CTDSP1: variants seen among roughly 807,000 people sequenced by gnomAD.
The protein encoded by CTDSP1 is carboxy-terminal domain RNA polymerase II polypeptide A small phosphatase 1.
Under a neutral mutation model 32.5 loss-of-function variants are expected in CTDSP1, and 15 were observed. That is an observed-to-expected ratio of 0.46 (90% CI 0.31 to 0.71). CTDSP1 has a LOEUF of 0.71. Ranked by LOEUF, CTDSP1 falls within the 30% of genes least tolerant of loss-of-function variation. CTDSP1 has a pLI of 0.05. For missense variants in CTDSP1, 294 were observed against 351.1 expected (o/e 0.84, Z 1.30); for synonymous variants, 185 against 145.4 (o/e 1.27, Z -1.96).
At chr2:218,398,644 G>C, upstream of CTDSP1, 1 of 413,152 alleles carries the variant, frequency 2.4e-6, no homozygotes, top group Non-Finnish European at 4.2e-6. Context: ...CGTGCGCCGC[G>C]TCGCACCCGG....
At chr2:218,397,188 A>G (rs1696843706), upstream of CTDSP1, among the ~76,000 whole-genome samples, 1 of 152,134 alleles carries the variant, frequency 6.6e-6, no homozygotes, top group Non-Finnish European at 1.5e-5. Context: ...GAAGACACGG[A>G]GACCCGGCTA....
chr2:218,404,592 C>G lies in CTDSP1; in HGVS notation c.*167C>G, dbSNP rs1697317853. ...GCCCCACCAGGCGGTGTAGGGGCAG[C>G]AGGCTGCACTGAGGACCGTGAGCTC... On this transcript the variant is annotated 3_prime_UTR_variant, in exon 7 of 7. Transcript: ENST00000273062. 1 of 780,908 alleles carries G rather than the reference C, an allele frequency of 1.3e-6. No homozygotes were observed. The highest frequency in any genetic ancestry group is 1.7e-5 in the African/African-American group (1 of 57,386). 48.4% of individuals were successfully genotyped at this position (780,908 alleles called of 1,614,324 possible).
chr2:218,404,518 GGCC>G lies in CTDSP1; in HGVS notation c.*100_*102del. The G allele has an allele frequency of 6.7e-7, 1 of 1,503,160 alleles. No homozygotes were observed. Among genetic ancestry groups the G allele is most frequent in the Non-Finnish European group, 9.0e-7 (1 of 1,105,164 alleles). The allele number at this position is 1,503,160 out of a possible 1,614,324, so 93.1% of individuals were successfully genotyped here. A position where few individuals can be genotyped will look rare whatever the true frequency, so the allele number is the denominator to read the frequency against. On this transcript the variant is annotated 3_prime_UTR_variant, in exon 7 of 7. Transcript: ENST00000273062. ...CAGGCCTTTGTTAGGAAAACCCATG[GGCC>G]GCCGCCACACTCAGTGCCATGGGGA...
chr2:218,402,779 T>G (rs566081153), intron 4 of CTDSP1: 1 of 717,792 alleles, frequency 1.4e-6, no homozygotes, highest in Non-Finnish European at 2.6e-6. Context: ...TAGGCTGAGG[T>G]TGAGGCAGGG....
intron 4 of CTDSP1, 33 bp downstream of exon 4, chr2:218,402,438 G>A (rs767601296): frequency 6.3e-7 from 1 of 1,591,920 alleles, no homozygotes. Context: ...GGTGGGCTTG[G>A]CATCTGCCTC....
chr2:218,398,598 C>G, upstream of CTDSP1: 1 of 613,804 alleles, frequency 1.6e-6, no homozygotes, highest in Non-Finnish European at 2.5e-6. Flanking sequence ...CGCGGGGCCT[C>G]CCCTCCCCGG....
intron 4 of CTDSP1, chr2:218,402,635 C>G (rs769721321): frequency 2.6e-6 from 2 of 764,766 alleles, no homozygotes; most frequent in Admixed American, 1.7e-5. Context: ...TGCTCCCTCG[C>G]CCCACCCTGC....
rs1697103993 is a variant in CTDSP1, at chr2:218,400,970, C to T, written c.68-594C>T. The T allele has an allele frequency of 4.0e-5, 4 of 100,888 alleles. No individual in the cohort carries two copies. In the African/African-American group the frequency reaches 4.8e-4, roughly 12 times the overall value. 6.2% of individuals were successfully genotyped at this position (100,888 alleles called of 1,614,324 possible). A position where few individuals can be genotyped will look rare whatever the true frequency, so the allele number is the denominator to read the frequency against. ...GGTGGAAAGGCTAGTTGCAGGGGGCCGGAGGGGGGTGGGGTGGGAGGGGTA... is the reference window on the plus strand; with the variant it reads ...GGTGGAAAGGCTAGTTGCAGGGGGCTGGAGGGGGGTGGGGTGGGAGGGGTA... On this transcript the variant is annotated intron_variant, in intron 1 of 6. Coordinates refer to ENST00000273062, the MANE Select transcript of CTDSP1 (RefSeq NM_021198.3).
chr2:218,399,980 T>TTCCCAA lies in CTDSP1; in HGVS notation c.-111_-110insTCCCAA. ...CCCTCCCCTCCGGAGCTCGCGGGGA[T>TTCCCAA]CCCTCCCTCCCACCCCTCCCCTCCC... On this transcript the variant is annotated 5_prime_UTR_variant, in exon 1 of 7. Coordinates refer to ENST00000273062, the MANE Select transcript of CTDSP1 (RefSeq NM_021198.3). 1 of 946,506 alleles carries TTCCCAA rather than the reference T, an allele frequency of 1.1e-6. No individual in the cohort carries two copies. The highest frequency in any genetic ancestry group is 2.7e-5 in the South Asian group (1 of 36,502). The allele number at this position is 946,506 out of a possible 1,614,324, so 58.6% of individuals were successfully genotyped here. A position where few individuals can be genotyped will look rare whatever the true frequency, so the allele number is the denominator to read the frequency against.
chr2:218,404,235 G>C (rs1216223821), intron 6 of CTDSP1, 62 bp from the exon 7 acceptor site: 1 of 1,586,998 alleles, frequency 6.3e-7, no homozygotes, highest in Non-Finnish European at 8.6e-7. Flanking sequence ...CATAGGGCTG[G>C]CCTGGAAATT....
At position 218,404,651 on chromosome 2, in the gene CTDSP1, C is replaced by T. The variant is rs1667858610; in HGVS notation, c.*226C>T. The T allele has an allele frequency of 5.8e-6, 3 of 516,758 alleles. 1 individual carries two copies. In the South Asian group the frequency reaches 8.9e-5, roughly 15 times the overall value. 32.0% of individuals were successfully genotyped at this position (516,758 alleles called of 1,614,324 possible). A position where few individuals can be genotyped will look rare whatever the true frequency, so the allele number is the denominator to read the frequency against. ...GTGTCAGTGCCTTCAAACCTCCTCC[C>T]CTATTCTCAGGGGACCTGGGGGGCC... On this transcript the variant is annotated 3_prime_UTR_variant, in exon 7 of 7. Coordinates refer to ENST00000273062, the MANE Select transcript of CTDSP1 (RefSeq NM_021198.3).
In CTDSP1 at chr2:218,404,355, C is replaced by T; in HGVS notation, c.716C>T (p.Pro239Leu). The change falls in exon 7 of 7, where the codon CCC becomes CTC. Residue 239 changes from proline (P) to leucine (L), a missense_variant. Pro to Leu is a moderately conservative substitution (Grantham distance 98). This residue lies in a region of CTDSP1 where 146 missense variants were observed against 237.7 expected (regional missense o/e 0.61). Coordinates refer to ENST00000273062, the MANE Select transcript of CTDSP1 (RefSeq NM_021198.3). ...GACACAGAGCTCCACGACCTCCTCC[C>T]CTTCTTCGAGCAACTCAGCCGTGTG... ...MSDTELHDLL[P>L]FFEQLSRVDD... The T allele has an allele frequency of 1.2e-6, 2 of 1,614,210 alleles. No individual in the cohort carries two copies. Among genetic ancestry groups the T allele is most frequent in the Non-Finnish European group, 1.7e-6 (2 of 1,180,024 alleles).
At position 218,399,920 on chromosome 2, in the gene CTDSP1, C is replaced by T; in HGVS notation, c.-171C>T. ...ATGTTGTAACAAAGTTTCCTCCGCG[C>T]CCCCTCCCTCCCCCTCCCCCCTAGA... On this transcript the variant is annotated 5_prime_UTR_variant, in exon 1 of 7. Coordinates refer to ENST00000273062, the MANE Select transcript of CTDSP1 (RefSeq NM_021198.3). The T allele has an allele frequency of 8.2e-7, 1 of 1,224,692 alleles. No homozygotes were observed. Among genetic ancestry groups the T allele is most frequent in the Non-Finnish European group, 1.0e-6 (1 of 978,558 alleles). 75.9% of individuals were successfully genotyped at this position (1,224,692 alleles called of 1,614,324 possible). A position where few individuals can be genotyped will look rare whatever the true frequency, so the allele number is the denominator to read the frequency against.
In CTDSP1 at chr2:218,401,720, G is replaced by GCCAC; in HGVS notation, c.216+8_216+9insCCAC. 1 of 1,544,632 alleles carries GCCAC rather than the reference G, an allele frequency of 6.5e-7. No homozygotes were observed. Among genetic ancestry groups the GCCAC allele is most frequent in the Non-Finnish European group, 8.7e-7 (1 of 1,147,000 alleles). ...AATGGCGCCATCCCTAAGGTGCGTGGGGGCCAGGTGGGGCCACGGGGGCAC... is the reference window on the plus strand; with the variant it reads ...AATGGCGCCATCCCTAAGGTGCGTGGCCACGGGCCAGGTGGGGCCACGGGGGCAC... On this transcript the variant is annotated intron_variant, in intron 2 of 6. Transcript: ENST00000273062.
chr2:218,402,536 G>C, intron 4 of CTDSP1, 131 bp downstream of exon 4: 3 of 975,780 alleles, frequency 3.1e-6, no homozygotes, highest in Non-Finnish European at 4.9e-6. Flanking sequence ...GAGGGTGTGA[G>C]ACTTGTCCCA....
chr2:218,405,939 C>G lies in CTDSP1; in HGVS notation c.*1514C>G, dbSNP rs532124149. On this transcript the variant is annotated 3_prime_UTR_variant, in exon 7 of 7. Transcript: ENST00000273062. Reference sequence around the variant, plus strand: ...GAGAACTAAAGAGAAAGCCAGACCCCTATCCTGCTTCTGTGGTTATTGCGG... The same window carrying G: ...GAGAACTAAAGAGAAAGCCAGACCCGTATCCTGCTTCTGTGGTTATTGCGG... 1.3e-5 allele frequency: 2 copies of G among 152,966 alleles called. No homozygotes were observed. The highest frequency in any genetic ancestry group is 1.9e-4 in the East Asian group (1 of 5,310). 9.5% of individuals were successfully genotyped at this position (152,966 alleles called of 1,614,324 possible).
chr2:218,401,799 G>A, intron 2 of CTDSP1, 87 bp downstream of exon 2: 1 of 1,311,720 alleles, frequency 7.6e-7, no homozygotes. Flanking sequence ...GAGCTTTTCA[G>A]GATGGACTTG....
upstream of CTDSP1, chr2:218,399,601 G>A: frequency 2.2e-6 from 1 of 453,454 alleles, no homozygotes; most frequent in Non-Finnish European, 2.9e-6. Flanking sequence ...CGGCGGGCGG[G>A]CCTTGGCCGA....
Position 218,401,635 on chromosome 2 carries a change from T to G in CTDSP1, c.139T>G (p.Cys47Gly), listed in dbSNP as rs756378172. Residue 47 changes from cysteine (C) to glycine (G), a missense_variant, in exon 2 of 7, where the codon TGC becomes GGC. Physicochemically the swap from Cys to Gly is radical, Grantham distance 159. Coordinates refer to ENST00000273062, the MANE Select transcript of CTDSP1 (RefSeq NM_021198.3). ...GILHSLFCCV[C>G]RDDGEALPAH... Reference sequence around the variant, plus strand: ...CCTCCACTCACTCTTCTGCTGTGTCTGCCGGGATGATGGGGAGGCCCTGCC... The same window carrying G: ...CCTCCACTCACTCTTCTGCTGTGTCGGCCGGGATGATGGGGAGGCCCTGCC... 1 of 1,613,150 alleles carries G rather than the reference T, an allele frequency of 6.2e-7. No individual in the cohort carries two copies. Among genetic ancestry groups the G allele is most frequent in the African/African-American group, 1.3e-5 (1 of 74,888 alleles).
Sources: allele counts gnomAD v4.1 joint callset (sites outside exome capture counted in the v4.1 genomes callset), GRCh38; gene constraint gnomAD v4.1.1; regional missense constraint gnomAD v4.1.1; transcripts MANE v1.5; gene names NCBI Gene and HGNC (gene_info 2026-07-23, HGNC 2026-07-21).